Variants in FAM20C observed in about 807,000 individuals in gnomAD.
FAM20C encodes the protein extracellular serine/threonine protein kinase FAM20C.
Under a neutral mutation model 51.5 loss-of-function variants are expected in FAM20C, and 40 were observed. The ratio of observed to expected loss-of-function variants is 0.78; its 90% confidence interval spans 0.60 to 1.01. The LOEUF is 1.01. FAM20C is among the 50% of genes least tolerant of loss of function. FAM20C has a pLI of 0.00. For synonymous variants in FAM20C, 406 were observed against 380.6 expected (o/e 1.07, Z -0.78); for missense variants, 861 against 844.7 (o/e 1.02, Z -0.24).
At chr7:216,669 CAGAGTGTGTGTG>C (rs1305768224) in intron 3 of FAM20C, among the ~76,000 whole-genome samples, 45 of 112,476 alleles carry the variant, frequency 4.0e-4, no homozygotes, top group Admixed American at 1.1e-3. Flanking sequence ...GTGTGAGAGA[CAGAGTGTGTGTG>C]AGAGTGTGTG....
At chr7:252,888 C>T (rs555126216) in intron 5 of FAM20C, among the ~76,000 whole-genome samples, 2 of 152,376 alleles carry the variant, frequency 1.3e-5, no homozygotes, top group South Asian at 2.1e-4. Context: ...CGTAAGTTAC[C>T]GTCTGCACGT....
At chr7:219,489 C>T (rs1466316699) in intron 3 of FAM20C, among the ~76,000 whole-genome samples, 5 of 152,026 alleles carry the variant, frequency 3.3e-5, no homozygotes, top group Admixed American at 6.6e-5. Flanking sequence ...CTGAGGGAGG[C>T]GCGTTCCCTC....
chr7:259,484 T>TCTATCTGTG (rs1562402875), intron 9 of FAM20C, among the ~76,000 whole-genome samples: 14 of 146,602 alleles, frequency 9.5e-5, no homozygotes, highest in African/African-American at 3.4e-4. Context: ...GTCTGCCTGT[T>TCTATCTGTG]TCTCTTTATC....
At chr7:195,493 G>A (rs942188492) in intron 1 of FAM20C, 61 bp from the exon 2 acceptor site, 34 of 1,368,060 alleles carry the variant, frequency 2.5e-5, no homozygotes, top group Admixed American at 1.4e-4. Context: ...CCCTCTCCCC[G>A]TCATCCGACT....
intron 4 of FAM20C, among the ~76,000 whole-genome samples, chr7:247,568 T>C (rs1788218621): frequency 6.6e-6 from 1 of 152,150 alleles, no homozygotes; most frequent in Non-Finnish European, 1.5e-5. Context: ...TTTAAAGGGC[T>C]TTTTTAAAGA....
At chr7:215,110 G>A (rs1349917761) in intron 3 of FAM20C, among the ~76,000 whole-genome samples, 1 of 151,916 alleles carries the variant, frequency 6.6e-6, no homozygotes, top group East Asian at 1.9e-4. Flanking sequence ...CTCCCAAAGT[G>A]GCCCAGGAGG....
intron 5 of FAM20C, among the ~76,000 whole-genome samples, chr7:249,503 A>G (rs1788311855): frequency 6.6e-6 from 1 of 152,246 alleles, no homozygotes; most frequent in South Asian, 2.1e-4. Context: ...CATTTTGGGA[A>G]GCCAAGGTGG....
In FAM20C at chr7:255,765, C is replaced by A. The variant is rs549884975; in HGVS notation, c.1073-84C>A. The stretch of plus-strand genomic sequence containing the variant: ...CCCATGAGAAGCACCAGGCAGAGCC[C>A]GGCCCGGCCTTGGGGGCCGTGAGAC... On this transcript the variant is annotated intron_variant, in intron 5 of 9. Transcript: ENST00000313766. 2.1e-6 allele frequency: 3 copies of A among 1,457,624 alleles called. No individual in the cohort carries two copies. In the African/African-American group the frequency reaches 4.2e-5, roughly 20 times the overall value. The allele number at this position is 1,457,624 out of a possible 1,614,324, so 90.3% of individuals were successfully genotyped here. A position where few individuals can be genotyped will look rare whatever the true frequency, so the allele number is the denominator to read the frequency against.
At chr7:259,564 CT>C (rs1788797080) in intron 9 of FAM20C, among the ~76,000 whole-genome samples, 166 bp from the exon 10 acceptor site, 3 of 150,222 alleles carry the variant, frequency 2.0e-5, no homozygotes, top group Non-Finnish European at 3.0e-5. Flanking sequence ...CTCTGTGTCT[CT>C]CTTTCTCTGT....
chr7:224,200 G>A lies in FAM20C; in HGVS notation c.863+15224G>A, dbSNP rs796505788. Among the ~76,000 whole-genome samples, 1,008 of 123,450 alleles carry A rather than the reference G, an allele frequency of 8.2e-3. 1 individual carries two copies. The highest frequency in any genetic ancestry group is 0.02 in the Middle Eastern group (4 of 198). 81.0% of individuals were successfully genotyped at this position (123,450 alleles called of 152,430 possible). On this transcript the variant is annotated intron_variant, in intron 3 of 9. Transcript: ENST00000313766. ...AGCAGAACGGCACCGTCACGGGGTCGCACGGCGGCTGTCCCCTGAGCCTTC... is the reference window on the plus strand; with the variant it reads ...AGCAGAACGGCACCGTCACGGGGTCACACGGCGGCTGTCCCCTGAGCCTTC...
Position 193,067 on chromosome 7 carries a change from A to C in FAM20C, c.-133A>C. ...CCCTGCACGCGGCCCGGGCCCGGGG[A>C]CAGCCCCGGAGCTGGTAGCCGCCCG... On this transcript the variant is annotated 5_prime_UTR_variant, in exon 1 of 10. Coordinates refer to ENST00000313766, the MANE Select transcript of FAM20C (RefSeq NM_020223.4). 6.2e-6 allele frequency: 4 copies of C among 648,310 alleles called. No homozygotes were observed. Among genetic ancestry groups the C allele is most frequent in the Admixed American group, 5.2e-5 (1 of 19,402 alleles). 40.2% of individuals were successfully genotyped at this position (648,310 alleles called of 1,614,324 possible).
At chr7:217,182 T>C (rs1354768082) in intron 3 of FAM20C, among the ~76,000 whole-genome samples, 1 of 152,130 alleles carries the variant, frequency 6.6e-6, no homozygotes, top group Non-Finnish European at 1.5e-5. Context: ...GCCCTGGGGC[T>C]GCTGACCCCC....
At chr7:195,902 C>T (rs1301889109) in intron 2 of FAM20C, among the ~76,000 whole-genome samples, 170 bp downstream of exon 2, 1 of 152,240 alleles carries the variant, frequency 6.6e-6, no homozygotes, top group Non-Finnish European at 1.5e-5. Flanking sequence ...GGGCTCGCGT[C>T]TCGTGTGCTC....
intron 3 of FAM20C, among the ~76,000 whole-genome samples, chr7:232,474 G>C (rs1317039735): frequency 6.6e-6 from 1 of 152,228 alleles, no homozygotes; most frequent in Non-Finnish European, 1.5e-5. Flanking sequence ...AGAGCAGGGG[G>C]TCCCGAAGGT....
At chr7:256,983 C>A in intron 7 of FAM20C, 22 bp from the exon 8 acceptor site, 1 of 1,536,758 alleles carries the variant, frequency 6.5e-7, no homozygotes, top group African/African-American at 1.4e-5. Context: ...CGAGCTGTGA[C>A]ACTTTCTGCC....
At chr7:259,265 C>A (rs1007504844) in intron 9 of FAM20C, among the ~76,000 whole-genome samples, 2 of 151,908 alleles carry the variant, frequency 1.3e-5, no homozygotes, top group Non-Finnish European at 2.9e-5. Flanking sequence ...TCCCCATCCT[C>A]CTGCCGGGCC....
intron 5 of FAM20C, among the ~76,000 whole-genome samples, chr7:251,671 G>A (rs547807487): frequency 1.1e-4 from 17 of 152,290 alleles, no homozygotes; most frequent in Non-Finnish European, 2.4e-4. Flanking sequence ...GCTGCAAGGC[G>A]GCCATCGACC....
chr7:205,698 A>G lies in FAM20C; in HGVS notation c.785-3200A>G, dbSNP rs558880038. 5.3e-5 allele frequency among the ~76,000 whole-genome samples: 8 copies of G among 152,236 alleles called. No individual in the cohort carries two copies. The South Asian group carries it at 1.7e-3, about 32-fold the overall frequency. On this transcript the variant is annotated intron_variant, in intron 2 of 9. Transcript: ENST00000313766. ...ATCCATCTCCCTCCTGCCTGGGGCC[A>G]GTACCAGCTCCTCCCTTGTGCCCAA...
intron 4 of FAM20C, 124 bp downstream of exon 4, chr7:246,631 G>T: frequency 1.6e-6 from 1 of 629,944 alleles, no homozygotes; most frequent in East Asian, 2.9e-5. Context: ...AGGCAGCGCC[G>T]GTGCCTGCTC....
Sources: gnomAD v4.1 joint callset for allele counts (sites outside exome capture counted in the v4.1 genomes callset) on GRCh38, gnomAD v4.1.1 for gene constraint, MANE v1.5 for transcripts, NCBI Gene and HGNC (gene_info 2026-07-23, HGNC 2026-07-21) for gene names.